ITSN1: variants seen among roughly 807,000 people sequenced by gnomAD.
ITSN1 encodes the protein intersectin 1.
ITSN1 carries 58 observed loss-of-function variants against 239.8 expected under a neutral mutation model. That is an observed-to-expected ratio of 0.24 (90% CI 0.20 to 0.30). The LOEUF (loss-of-function observed/expected upper bound fraction) is 0.30, where lower values mean the gene tolerates loss of function less well. Ranked by LOEUF, ITSN1 falls within the 10% of genes least tolerant of loss-of-function variation. ITSN1 has a pLI of 1.00. For missense variants in ITSN1, 1,558 were observed against 2,103.3 expected, an observed-to-expected ratio of 0.74 and a Z score of 5.07; for synonymous variants, 780 against 770.8, an observed-to-expected ratio of 1.01 and a Z score of -0.20.
At chr21:33,656,211 C>T (rs951292015) in intron 1 of ITSN1, among the ~76,000 whole-genome samples, 1 of 151,946 alleles carries the variant, frequency 6.6e-6, no homozygotes, top group Admixed American at 6.6e-5. Flanking sequence ...ACCTTTTCCC[C>T]CAGTTGGTGA....
intron 1 of ITSN1, among the ~76,000 whole-genome samples, chr21:33,656,774 G>A (rs752303466): frequency 6.6e-5 from 10 of 152,094 alleles, no homozygotes; most frequent in African/African-American, 2.2e-4. Context: ...GCAATCGTGC[G>A]ATCTCGGCTC....
intron 17 of ITSN1, among the ~76,000 whole-genome samples, chr21:33,795,706 A>C (rs368102014): frequency 5.3e-5 from 8 of 152,098 alleles, no homozygotes; most frequent in South Asian, 4.1e-4. Context: ...TCTTACCCCC[A>C]GAGTTTATAA....
intron 28 of ITSN1, among the ~76,000 whole-genome samples, chr21:33,835,282 A>C (rs987668176): frequency 1.3e-5 from 2 of 151,986 alleles, no homozygotes; most frequent in African/African-American, 4.8e-5. Context: ...TAGGCTGAGG[A>C]ATGTGGTTCC....
At chr21:33,672,486 G>T (rs1342732666) in intron 1 of ITSN1, among the ~76,000 whole-genome samples, 1 of 152,254 alleles carries the variant, frequency 6.6e-6, no homozygotes, top group Non-Finnish European at 1.5e-5. Context: ...ATAAGAATTG[G>T]CCAGGATATG....
chr21:33,762,512 G>A (rs2068416709), intron 9 of ITSN1, among the ~76,000 whole-genome samples: 1 of 151,864 alleles, frequency 6.6e-6, no homozygotes, highest in South Asian at 2.1e-4. Context: ...TGATCCACCC[G>A]CCTCAGCCTC....
At chr21:33,815,090 G>A (rs1431434204) in intron 22 of ITSN1, among the ~76,000 whole-genome samples, 2 of 152,194 alleles carry the variant, frequency 1.3e-5, no homozygotes, top group Admixed American at 1.3e-4. Flanking sequence ...GAAGGTGAAC[G>A]TGGGACCCTG....
chr21:33,828,372 T>C (rs1207402645), intron 26 of ITSN1, among the ~76,000 whole-genome samples: 2 of 152,218 alleles, frequency 1.3e-5, no homozygotes, highest in African/African-American at 4.8e-5. Flanking sequence ...GCTGGGCCAG[T>C]AGACCATGCT....
At position 33,794,028 on chromosome 21, in the gene ITSN1, G is replaced by A. The variant is rs989757901; in HGVS notation, c.1825-313G>A. 5.3e-5 allele frequency among the ~76,000 whole-genome samples: 8 copies of A among 152,168 alleles called. No individual in the cohort carries two copies. The South Asian group carries it at 6.2e-4, about 12-fold the overall frequency. ...ATCGTCATATCTTGGAACTGGTTAC[G>A]TTCCATTATGATTGCTGAGCCTTTA... On this transcript the variant is annotated intron_variant, in intron 16 of 39. Transcript: ENST00000381318.
At chr21:33,885,203 TAGA>T (rs759933281) in intron 37 of ITSN1, 80 bp downstream of exon 37, 4 of 1,247,358 alleles carry the variant, frequency 3.2e-6, no homozygotes, top group Non-Finnish European at 3.5e-6. Flanking sequence ...ATCCTCAGAA[TAGA>T]AGAATCCCCT....
At chr21:33,644,768 G>T (rs2087775993) in intron 1 of ITSN1, among the ~76,000 whole-genome samples, 1 of 151,836 alleles carries the variant, frequency 6.6e-6, no homozygotes, top group African/African-American at 2.4e-5. Flanking sequence ...GCCTAGACTG[G>T]GACAAACTAT....
At chr21:33,661,329 C>T (rs957827503) in intron 1 of ITSN1, among the ~76,000 whole-genome samples, 2 of 151,976 alleles carry the variant, frequency 1.3e-5, no homozygotes, top group Admixed American at 6.6e-5. Flanking sequence ...CACATAAATG[C>T]TTTGAGTATC....
chr21:33,745,052 A>G (rs2147384348), intron 5 of ITSN1, among the ~76,000 whole-genome samples: 1 of 152,330 alleles, frequency 6.6e-6, no homozygotes, highest in East Asian at 1.9e-4. Flanking sequence ...GGATTAGAAC[A>G]TCACTATTTT....
At position 33,896,267 on chromosome 21, in the gene ITSN1, C is replaced by T. The variant is rs1037922948; in HGVS notation, c.*7967C>T. 7 of 152,270 alleles carry T rather than the reference C, an allele frequency of 4.6e-5. No individual in the cohort carries two copies. Among genetic ancestry groups the T allele is most frequent in the African/African-American group, 1.4e-4 (6 of 41,450 alleles). The allele number at this position is 152,270 out of a possible 1,614,324, so 9.4% of individuals were successfully genotyped here. A position where few individuals can be genotyped will look rare whatever the true frequency, so the allele number is the denominator to read the frequency against. ...TCCCAGTTCAGGATGGGCCACAGGG[C>T]GTCAAGCAGCTGTGAGCCTTTACCA... On this transcript the variant is annotated 3_prime_UTR_variant, in exon 40 of 40. Transcript: ENST00000381318.
At chr21:33,727,669 A>T (rs2065910617) in intron 4 of ITSN1, among the ~76,000 whole-genome samples, 1 of 150,350 alleles carries the variant, frequency 6.7e-6, no homozygotes, top group South Asian at 2.1e-4. Context: ...TCCATCCCTC[A>T]TTCCTGAGTC....
At chr21:33,674,869 C>T (rs1008151256) in intron 1 of ITSN1, among the ~76,000 whole-genome samples, 1 of 152,106 alleles carries the variant, frequency 6.6e-6, no homozygotes, top group African/African-American at 2.4e-5. Flanking sequence ...AATGTCCATT[C>T]AGTATCTCTT....
chr21:33,696,047 A>G (rs1346706844), intron 1 of ITSN1, among the ~76,000 whole-genome samples: 2 of 152,206 alleles, frequency 1.3e-5, no homozygotes, highest in Admixed American at 6.5e-5. Context: ...TAAAACTTCT[A>G]GTAGTGATAA....
At chr21:33,748,490 T>C (rs2067323185) in intron 5 of ITSN1, among the ~76,000 whole-genome samples, 1 of 152,048 alleles carries the variant, frequency 6.6e-6, no homozygotes, top group African/African-American at 2.4e-5. Flanking sequence ...ACTATTATTA[T>C]GTAATAATAC....
chr21:33,713,795 G>C (rs1235045414), intron 1 of ITSN1, among the ~76,000 whole-genome samples: 2 of 148,442 alleles, frequency 1.3e-5, no homozygotes, highest in Non-Finnish European at 3.0e-5. Context: ...CCTGTGGTTG[G>C]AAGAAAATTA....
chr21:33,668,491 C>T (rs2090063324), intron 1 of ITSN1, among the ~76,000 whole-genome samples: 1 of 152,194 alleles, frequency 6.6e-6, no homozygotes, highest in South Asian at 2.1e-4. Flanking sequence ...TTCCCTTTTG[C>T]TCTTCTTACT....
Sources: allele counts gnomAD v4.1 joint callset (sites outside exome capture counted in the v4.1 genomes callset), GRCh38; gene constraint gnomAD v4.1.1; transcripts MANE v1.5; gene names NCBI Gene and HGNC (gene_info 2026-07-23, HGNC 2026-07-21).